Variants in TAFA4 observed in about 807,000 individuals in gnomAD.
The protein encoded by TAFA4 is chemokine-like protein TAFA-4.
A neutral mutation model predicts 21.1 loss-of-function variants in TAFA4; 20 were observed. That is an observed-to-expected ratio of 0.95 (90% CI 0.67 to 1.38). TAFA4 has a LOEUF of 1.38. Among genes scored for constraint, TAFA4 ranks in the 40% most tolerant of loss-of-function variants. TAFA4 has a pLI of 0.00. For missense variants in TAFA4, 211 were observed against 180.9 expected (o/e 1.17, Z -0.95); for synonymous variants, 71 against 67.4 (o/e 1.05, Z -0.26).
At chr3:68,869,113 A>C (rs2089452519) in intron 3 of TAFA4, among the ~76,000 whole-genome samples, 2 of 151,530 alleles carry the variant, frequency 1.3e-5, no homozygotes, top group African/African-American at 4.9e-5. Context: ...AGCTAAAAGA[A>C]ATGAATAAAT....
chr3:68,803,797 CTTTTTTT>C (rs386396961), intron 3 of TAFA4, among the ~76,000 whole-genome samples: 4 of 81,594 alleles, frequency 4.9e-5, no homozygotes, highest in African/African-American at 5.0e-5. Flanking sequence ...ATCTCTGATT[CTTTTTTT>C]TTTTTTTTTT....
intron 4 of TAFA4, among the ~76,000 whole-genome samples, chr3:68,742,027 A>G (rs1702366338): frequency 6.6e-6 from 1 of 152,194 alleles, no homozygotes; most frequent in Non-Finnish European, 1.5e-5. Flanking sequence ...ATCCTCCACT[A>G]TGATTAAATG....
chr3:68,842,370 C>T (rs1704684824), intron 3 of TAFA4, among the ~76,000 whole-genome samples: 1 of 152,144 alleles, frequency 6.6e-6, no homozygotes, highest in Admixed American at 6.5e-5. Flanking sequence ...TGTACATATC[C>T]TTCACCCACT....
intron 3 of TAFA4, among the ~76,000 whole-genome samples, chr3:68,854,877 T>C (rs1026732509): frequency 2.0e-5 from 3 of 152,112 alleles, no homozygotes; most frequent in Non-Finnish European, 4.4e-5. Flanking sequence ...TACCGAGCTC[T>C]CCAAAAATCA....
intron 3 of TAFA4, among the ~76,000 whole-genome samples, chr3:68,794,164 G>C (rs1362604583): frequency 2.0e-5 from 3 of 152,168 alleles, no homozygotes; most frequent in Non-Finnish European, 4.4e-5. Flanking sequence ...CCATTGATGA[G>C]AACATGGAAT....
Position 68,821,342 on chromosome 3 carries a change from T to TGTGAATTATATGAGTTC in TAFA4, c.130+59387_130+59388insGAACTCATATAATTCAC, listed in dbSNP as rs1479810300. 4.8e-3 allele frequency among the ~76,000 whole-genome samples: 62 copies of TGTGAATTATATGAGTTC among 12,968 alleles called. 1 individual carries two copies. The South Asian group carries it at 0.066, about 14-fold the overall frequency. The allele number at this position is 12,968 out of a possible 152,430, so 8.5% of individuals were successfully genotyped here. A position where few individuals can be genotyped will look rare whatever the true frequency, so the allele number is the denominator to read the frequency against. On this transcript the variant is annotated intron_variant, in intron 3 of 5. Coordinates refer to ENST00000295569, the MANE Select transcript of TAFA4 (RefSeq NM_182522.5). The stretch of plus-strand genomic sequence containing the variant: ...ACCTCCCTGCTTTTTTTTTTTTTTT[T>TGTGAATTATATGAGTTC]TTTTTTTTTTTTTTTTTTTTTTTTG...
chr3:68,809,109 A>G (rs1703772075), intron 3 of TAFA4, among the ~76,000 whole-genome samples: 1 of 152,218 alleles, frequency 6.6e-6, no homozygotes, highest in Non-Finnish European at 1.5e-5. Flanking sequence ...TAATAATCAA[A>G]TCAACTTCAT....
Position 68,850,480 on chromosome 3 carries a change from A to C in TAFA4, c.130+30250T>G, listed in dbSNP as rs559177182. Among the ~76,000 whole-genome samples the C allele has an allele frequency of 2.0e-5, 3 of 152,310 alleles. No homozygotes were observed. The South Asian group carries it at 6.2e-4, about 32-fold the overall frequency. ...TAGAGGAATCACAATACTGTCTTCCACAATGGTTGAACTAATTTACACTCC... is the reference window on the plus strand; with the variant it reads ...TAGAGGAATCACAATACTGTCTTCCCCAATGGTTGAACTAATTTACACTCC... On this transcript the variant is annotated intron_variant, in intron 3 of 5. Coordinates refer to ENST00000295569, the MANE Select transcript of TAFA4 (RefSeq NM_182522.5).
chr3:68,914,898 TAAATA>T (rs1014850279), intron 1 of TAFA4, among the ~76,000 whole-genome samples: 1 of 152,192 alleles, frequency 6.6e-6, no homozygotes, highest in Non-Finnish European at 1.5e-5. Context: ...ACATGAAAGT[TAAATA>T]AAATTCATAT....
chr3:68,801,316 C>T (rs1255329710), intron 3 of TAFA4, among the ~76,000 whole-genome samples: 1 of 152,150 alleles, frequency 6.6e-6, no homozygotes. Context: ...CTTTGTCTAA[C>T]TGGCCATCAT....
intron 3 of TAFA4, among the ~76,000 whole-genome samples, chr3:68,826,064 T>C (rs2029470): frequency 0.47 from 71,253 of 151,806 alleles, 17,151 homozygotes; most frequent in African/African-American, 0.55. Flanking sequence ...TGAGGGAGGG[T>C]TGTTAAGCAT....
chr3:68,748,808 G>GTAAC (rs1702509044), intron 4 of TAFA4, among the ~76,000 whole-genome samples: 2 of 151,094 alleles, frequency 1.3e-5, no homozygotes, highest in Non-Finnish European at 2.9e-5. Flanking sequence ...GCTTTGAAAA[G>GTAAC]TAACTACTTT....
intron 3 of TAFA4, among the ~76,000 whole-genome samples, chr3:68,820,959 A>C (rs1704100712): frequency 6.6e-6 from 1 of 152,218 alleles, no homozygotes; most frequent in East Asian, 1.9e-4. Flanking sequence ...GGAATTACAA[A>C]CTGTGTTTAT....
intron 3 of TAFA4, among the ~76,000 whole-genome samples, chr3:68,773,625 G>A (rs1460913887): frequency 6.6e-6 from 1 of 152,088 alleles, no homozygotes; most frequent in Non-Finnish European, 1.5e-5. Flanking sequence ...GACTCACTGA[G>A]TCACCTCAGT....
chr3:68,769,979 A>G (rs1327628684), intron 3 of TAFA4, among the ~76,000 whole-genome samples: 1 of 152,198 alleles, frequency 6.6e-6, no homozygotes, highest in Non-Finnish European at 1.5e-5. Context: ...TAAAAGCTCT[A>G]TCAATGGCCA....
At chr3:68,859,427 T>C (rs1179720499) in intron 3 of TAFA4, among the ~76,000 whole-genome samples, 3 of 152,122 alleles carry the variant, frequency 2.0e-5, no homozygotes, top group African/African-American at 4.8e-5. Flanking sequence ...AGGTAGAAAA[T>C]GACCTTGCTA....
chr3:68,861,349 G>A (rs918849675), intron 3 of TAFA4, among the ~76,000 whole-genome samples: 2 of 151,664 alleles, frequency 1.3e-5, no homozygotes, highest in African/African-American at 2.4e-5. Context: ...AAGCTGAGAC[G>A]ACAGGCTGCA....
At chr3:68,855,835 C>T (rs1413372441) in intron 3 of TAFA4, among the ~76,000 whole-genome samples, 3 of 152,008 alleles carry the variant, frequency 2.0e-5, no homozygotes, top group Non-Finnish European at 2.9e-5. Flanking sequence ...CACCGAATGC[C>T]GTCAGCTTTC....
chr3:68,910,331 A>G (rs987982522), intron 1 of TAFA4, among the ~76,000 whole-genome samples: 3 of 152,184 alleles, frequency 2.0e-5, no homozygotes, highest in African/African-American at 7.2e-5. Context: ...CAAGTCACTT[A>G]ACACACTCCA....
Sources: allele counts gnomAD v4.1 joint callset (sites outside exome capture counted in the v4.1 genomes callset), GRCh38; gene constraint gnomAD v4.1.1; transcripts MANE v1.5; gene names NCBI Gene and HGNC (gene_info 2026-07-23, HGNC 2026-07-21).